GOLM1: variants seen among roughly 807,000 people sequenced by gnomAD.
GOLM1 encodes golgi membrane protein 1.
A neutral mutation model predicts 50.5 loss-of-function variants in GOLM1; 31 were observed. The observed-to-expected ratio is 0.61, with a 90% CI of 0.46 to 0.83. GOLM1 has a LOEUF of 0.83. Ranked by LOEUF, GOLM1 falls within the 40% of genes least tolerant of loss-of-function variation. The probability of loss-of-function intolerance (pLI) is 0.00; values close to 1 mark genes in which losing one functional copy is unlikely to be tolerated. For synonymous variants in GOLM1, 178 were observed against 192.8 expected (o/e 0.92, Z 0.64); for missense variants, 491 against 501.3 (o/e 0.98, Z 0.20).
At chr9:86,060,727 A>C (rs975827956) in intron 3 of GOLM1, among the ~76,000 whole-genome samples, 2 of 151,582 alleles carry the variant, frequency 1.3e-5, no homozygotes, top group Admixed American at 6.6e-5. Context: ...AAAAATACAA[A>C]ATTAACTGGG....
chr9:86,035,666 T>G, intron 7 of GOLM1, 41 bp from the exon 8 acceptor site: 1 of 1,431,204 alleles, frequency 7.0e-7, no homozygotes, highest in Admixed American at 2.3e-5. Flanking sequence ...TGCCAGCATT[T>G]GATTTAAAAA....
At position 86,026,831 on chromosome 9, in the gene GOLM1, T is replaced by G. The variant is rs773488023; in HGVS notation, c.*986A>C. On this transcript the variant is annotated 3_prime_UTR_variant, in exon 10 of 10. Transcript: ENST00000388712. ...TTTACCACAAGCTAAATGTGTACAC[T>G]ATGATAAAAACAACCATTGTATTCC... The G allele has an allele frequency of 8.2e-6, 8 of 978,438 alleles. No individual in the cohort carries two copies. The highest frequency in any genetic ancestry group is 4.7e-5 in the South Asian group (1 of 21,126). The allele number at this position is 978,438 out of a possible 1,614,324, so 60.6% of individuals were successfully genotyped here. A position where few individuals can be genotyped will look rare whatever the true frequency, so the allele number is the denominator to read the frequency against.
intron 6 of GOLM1, among the ~76,000 whole-genome samples, chr9:86,039,401 A>G (rs1046419415): frequency 6.6e-6 from 1 of 152,254 alleles, no homozygotes; most frequent in Non-Finnish European, 1.5e-5. Flanking sequence ...GAGTTCCTCA[A>G]TAGGTTAAAT....
At chr9:86,087,552 A>G (rs1015840307) in intron 1 of GOLM1, among the ~76,000 whole-genome samples, 1 of 152,214 alleles carries the variant, frequency 6.6e-6, no homozygotes, top group African/African-American at 2.4e-5. Flanking sequence ...GCTTTTGCCC[A>G]TTCAGTATGA....
chr9:86,086,961 T>TA (rs1834993425), intron 1 of GOLM1, among the ~76,000 whole-genome samples: 1 of 152,214 alleles, frequency 6.6e-6, no homozygotes, highest in South Asian at 2.1e-4. Flanking sequence ...ATATGAACTT[T>TA]AAAGTAGTTT....
At position 86,026,727 on chromosome 9, in the gene GOLM1, A is replaced by T. The variant is rs1832797730; in HGVS notation, c.*1090T>A. 1 of 982,146 alleles carries T rather than the reference A, an allele frequency of 1.0e-6. No individual in the cohort carries two copies. Among genetic ancestry groups the T allele is most frequent in the African/African-American group, 1.7e-5 (1 of 57,162 alleles). The allele number at this position is 982,146 out of a possible 1,614,324, so 60.8% of individuals were successfully genotyped here. ...CCAACTCAAGTCAAACCTTAATGCC[A>T]TTGTTATTGTGAATTAGGATTAAGT... On this transcript the variant is annotated 3_prime_UTR_variant, in exon 10 of 10. Coordinates refer to ENST00000388712, the MANE Select transcript of GOLM1 (RefSeq NM_016548.4).
At position 86,027,888 on chromosome 9, in the gene GOLM1, T is replaced by C; in HGVS notation, c.1135A>G (p.Asn379Asp). 1 of 1,575,268 alleles carries C rather than the reference T, an allele frequency of 6.3e-7. No homozygotes were observed. The highest frequency in any genetic ancestry group is 8.7e-7 in the Non-Finnish European group (1 of 1,145,152). The change falls in exon 10 of 10, where the codon AAT becomes GAT. Residue 379 changes from asparagine to aspartate, a missense_variant. By Grantham distance (23) the Asn-to-Asp change is conservative. Transcript: ENST00000388712. Reference sequence around the variant, plus strand: ...GTGTCTCTTTTCTGATCTTCAACATTAAAAACTAAAAAGGAAAAACACATA... The same window carrying C: ...GTGTCTCTTTTCTGATCTTCAACATCAAAAACTAAAAAGGAAAAACACATA... ...AGNDRNIDVF[N>D]VEDQKRDTIN... is the part of the protein sequence containing the mutation.
chr9:86,034,364 CG>C (rs1441587854), intron 8 of GOLM1, among the ~76,000 whole-genome samples: 2 of 152,138 alleles, frequency 1.3e-5, no homozygotes, highest in Non-Finnish European at 2.9e-5. Flanking sequence ...ATGTGTCCAC[CG>C]CGTTTCTTCA....
intron 5 of GOLM1, among the ~76,000 whole-genome samples, chr9:86,045,418 A>AT (rs1280651249): frequency 6.6e-6 from 1 of 152,174 alleles, no homozygotes; most frequent in African/African-American, 2.4e-5. Flanking sequence ...CACACCTGTA[A>AT]TCCCAGCACT....
At chr9:86,091,897 C>T (rs1587744994) in intron 1 of GOLM1, among the ~76,000 whole-genome samples, 2 of 152,330 alleles carry the variant, frequency 1.3e-5, no homozygotes, top group South Asian at 4.1e-4. Context: ...ATTTATTGAG[C>T]AGCTACCATG....
chr9:86,069,353 T>A (rs1315740645), intron 3 of GOLM1, among the ~76,000 whole-genome samples: 1 of 152,204 alleles, frequency 6.6e-6, no homozygotes, highest in Non-Finnish European at 1.5e-5. Context: ...GTGTGGTGCT[T>A]CTACTAAGTT....
chr9:86,084,661 T>A (rs1020041889), intron 1 of GOLM1, among the ~76,000 whole-genome samples: 9 of 152,188 alleles, frequency 5.9e-5, no homozygotes, highest in African/African-American at 2.2e-4. Flanking sequence ...ATATAAAAAA[T>A]TATTTGATAG....
At position 86,027,667 on chromosome 9, in the gene GOLM1, TACAC is replaced by T. The variant is rs1261771597; in HGVS notation, c.*146_*149del. 1.4e-6 allele frequency: 2 copies of T among 1,408,442 alleles called. No homozygotes were observed. The highest frequency in any genetic ancestry group is 1.8e-6 in the Non-Finnish European group (2 of 1,083,362). 87.2% of individuals were successfully genotyped at this position (1,408,442 alleles called of 1,614,324 possible). On this transcript the variant is annotated 3_prime_UTR_variant, in exon 10 of 10. Coordinates refer to ENST00000388712, the MANE Select transcript of GOLM1 (RefSeq NM_016548.4). ...TTTAAAAGACCATTCCATTTTTTCC[TACAC>T]AAAGTGCATACTAAAATTTCACAAT...
chr9:86,054,385 A>G (rs1321338180), intron 3 of GOLM1, among the ~76,000 whole-genome samples: 1 of 151,712 alleles, frequency 6.6e-6, no homozygotes, highest in East Asian at 1.9e-4. Context: ...CTCCTGCCTC[A>G]GCCTCCCAAG....
intron 3 of GOLM1, among the ~76,000 whole-genome samples, chr9:86,074,289 G>A (rs1273460320): frequency 6.6e-6 from 1 of 151,172 alleles, no homozygotes; most frequent in African/African-American, 2.4e-5. Context: ...TTTAGGTGAA[G>A]GATAAGCCCA....
In GOLM1 at chr9:86,033,414, A is replaced by G. The variant is rs1564339863; in HGVS notation, c.1016-19T>C. 6 of 1,403,540 alleles carry G rather than the reference A, an allele frequency of 4.3e-6. No homozygotes were observed. Among genetic ancestry groups the G allele is most frequent in the Non-Finnish European group, 6.1e-6 (6 of 988,050 alleles). The allele number at this position is 1,403,540 out of a possible 1,614,324, so 86.9% of individuals were successfully genotyped here. On this transcript the variant is annotated intron_variant, in intron 8 of 9. Coordinates refer to ENST00000388712, the MANE Select transcript of GOLM1 (RefSeq NM_016548.4). The stretch of plus-strand genomic sequence containing the variant: ...TTTCTCCCTGTAAAATTAGCACATA[A>G]AACATAAGCTACATCATTTCTGTCT...
intron 3 of GOLM1, among the ~76,000 whole-genome samples, chr9:86,059,847 C>G (rs1295668242): frequency 6.9e-6 from 1 of 145,402 alleles, no homozygotes; most frequent in African/African-American, 2.6e-5. Context: ...TTGCAGTGAG[C>G]CAAGATGGCA....
In GOLM1 at chr9:86,033,366, C is replaced by T; in HGVS notation, c.1045G>A (p.Asp349Asn). 2 of 1,611,818 alleles carry T rather than the reference C, an allele frequency of 1.2e-6. No individual in the cohort carries two copies. Among genetic ancestry groups the T allele is most frequent in the East Asian group, 2.2e-5 (1 of 44,866 alleles). ...TCATTTTCATCCATGTTGTAGTCATCTTCTCCTCTCAGTTTCTGCTGGTTT... is the reference window on the plus strand; with the variant it reads ...TCATTTTCATCCATGTTGTAGTCATTTTCTCCTCTCAGTTTCTGCTGGTTT... ...GRNQQKLRGE[D>N]DYNMDENEAE... Residue 349 changes from aspartate (D) to asparagine (N), a missense_variant, in exon 9 of 10, where the codon GAT (aspartate) becomes AAT (asparagine). Transcript: ENST00000388712.
intron 6 of GOLM1, 51 bp downstream of exon 6, chr9:86,040,688 C>G: frequency 6.4e-7 from 1 of 1,562,404 alleles, no homozygotes; most frequent in Non-Finnish European, 8.7e-7. Flanking sequence ...AACAAAATGC[C>G]TGAAGATAGG....
Sources: gnomAD v4.1 joint callset for allele counts (sites outside exome capture counted in the v4.1 genomes callset) on GRCh38, gnomAD v4.1.1 for gene constraint, MANE v1.5 for transcripts, NCBI Gene and HGNC (gene_info 2026-07-23, HGNC 2026-07-21) for gene names.